The following SI variants were observed in gnomAD, a reference collection of about 807,000 sequenced individuals.
SI encodes the protein sucrase-isomaltase, intestinal.
A neutral mutation model predicts 253.3 loss-of-function variants in SI; 235 were observed. The observed-to-expected ratio is 0.93, with a 90% CI of 0.83 to 1.03. The LOEUF (loss-of-function observed/expected upper bound fraction) is 1.03, where lower values mean the gene tolerates loss of function less well. SI is among the 50% of genes least tolerant of loss of function. The pLI, the probability that SI is intolerant of heterozygous loss-of-function variation, is 0.00. For synonymous variants in SI, 819 were observed against 712.0 expected, an observed-to-expected ratio of 1.15 and a Z score of -2.39; for missense variants, 2,442 against 2,211.1, an observed-to-expected ratio of 1.10 and a Z score of -2.09.
intron 32 of SI, 115 bp downstream of exon 32, chr3:165,015,837 A>G: frequency 2.3e-6 from 2 of 885,704 alleles, no homozygotes; most frequent in South Asian, 2.7e-5. Context: ...TAGATTTGGG[A>G]GTGTTACTCA....
intron 34 of SI, among the ~76,000 whole-genome samples, chr3:165,011,125 A>G (rs1037696399): frequency 3.3e-5 from 5 of 151,462 alleles, no homozygotes; most frequent in African/African-American, 1.2e-4. Flanking sequence ...TTTAATTTTT[A>G]CTCCTCTAAT....
chr3:165,080,139 A>G (rs542713654), upstream of SI, among the ~76,000 whole-genome samples: 85 of 152,132 alleles, frequency 5.6e-4, no homozygotes, highest in Admixed American at 7.9e-4. Context: ...AAAGTTATAA[A>G]CTACTGATTT....
intron 6 of SI, among the ~76,000 whole-genome samples, chr3:165,066,056 T>C (rs974012269): frequency 2.0e-5 from 3 of 151,852 alleles, no homozygotes; most frequent in African/African-American, 2.4e-5. Flanking sequence ...ATGGAAACTA[T>C]TTAAGGGGAA....
intron 34 of SI, 142 bp from the exon 35 acceptor site, chr3:165,009,537 G>T: frequency 1.5e-6 from 1 of 648,114 alleles, no homozygotes; most frequent in Non-Finnish European, 2.8e-6. Context: ...TTACATAAAT[G>T]TGTGTGGTTT....
intron 25 of SI, among the ~76,000 whole-genome samples, chr3:165,027,267 A>G (rs921283466): frequency 2.6e-5 from 4 of 151,366 alleles, no homozygotes; most frequent in African/African-American, 9.7e-5. Context: ...GAAGAATTAG[A>G]TAACCTCAGC....
Position 165,033,330 on chromosome 3 carries a change from A to T in SI, c.2565+65T>A, listed in dbSNP as rs1004474738. On this transcript the variant is annotated intron_variant, in intron 23 of 47. Coordinates refer to ENST00000264382, the MANE Select transcript of SI (RefSeq NM_001041.4). ...AAACATCTTTTCCAAAAAATTTATC[A>T]TAAAAGAATAACCTAGGCATGAACA... The T allele has an allele frequency of 1.9e-5, 27 of 1,403,648 alleles. No individual in the cohort carries two copies. In the Admixed American group the frequency reaches 5.7e-4, roughly 30 times the overall value. 86.9% of individuals were successfully genotyped at this position (1,403,648 alleles called of 1,614,324 possible).
chr3:165,065,285 A>G lies in SI; in HGVS notation c.783T>C (p.Phe261=). ...HDLSWKTWPI[F]TRDQLPGDNN... is the part of the protein sequence containing the mutation. ...CATCACCAGGAAGTTGGTCTCGAGT[A>G]AAAATTGGCCATGTTTTCCAGGATA... Residue 261 remains phenylalanine, a synonymous_variant, in exon 7 of 48, where the codon TTT becomes TTC. Coordinates refer to ENST00000264382, the MANE Select transcript of SI (RefSeq NM_001041.4). The G allele has an allele frequency of 6.2e-7, 1 of 1,606,892 alleles. No homozygotes were observed. The highest frequency in any genetic ancestry group is 8.5e-7 in the Non-Finnish European group (1 of 1,175,202).
In SI at chr3:165,063,469, C is replaced by T; in HGVS notation, c.880G>A (p.Val294Ile). Reference sequence around the variant, plus strand: ...ATTGCATTGCTATTCATTAAAAAAACACCGAATGACTTTCCAGATGTATCT... The same window carrying T: ...ATTGCATTGCTATTCATTAAAAAAATACCGAATGACTTTCCAGATGTATCT... The part of the protein sequence containing the change: ...IEDTSGKSFG[V>I]FLMNSNAMEI... The change falls in exon 8 of 48, where the codon GTT becomes ATT. Residue 294 changes from valine (V) to isoleucine (I), a missense_variant. By Grantham distance (29) the Val-to-Ile change is conservative (BLOSUM62 3). Transcript: ENST00000264382. 1.3e-6 allele frequency: 2 copies of T among 1,539,776 alleles called. No homozygotes were observed. Among genetic ancestry groups the T allele is most frequent in the East Asian group, 4.6e-5 (2 of 43,876 alleles).
chr3:165,025,190 G>A (rs1339547382), intron 25 of SI, among the ~76,000 whole-genome samples: 2 of 150,958 alleles, frequency 1.3e-5, no homozygotes, highest in Non-Finnish European at 3.0e-5. Flanking sequence ...GCTACCACAT[G>A]GCCTTAAACA....
chr3:165,074,501 T>TAA (rs1233918114), intron 3 of SI, 30 bp downstream of exon 3: 1 of 1,457,546 alleles, frequency 6.9e-7, no homozygotes, highest in Non-Finnish European at 9.4e-7. Context: ...TATATATTCA[T>TAA]TAAAAATATT....
At chr3:165,079,031 T>C (rs1006058004), upstream of SI, among the ~76,000 whole-genome samples, 2 of 151,680 alleles carry the variant, frequency 1.3e-5, no homozygotes, top group African/African-American at 4.8e-5. Flanking sequence ...ATCAGTAATT[T>C]AGAGATAAAA....
In SI at chr3:165,013,003, G is replaced by C; in HGVS notation, c.4039C>G (p.Leu1347Val). The change falls in exon 34 of 48, where the codon CTA (leucine) becomes GTA (valine). Residue 1347 changes from leucine (L) to valine (V), a missense_variant. Leu to Val is a conservative substitution (Grantham distance 32). Coordinates refer to ENST00000264382, the MANE Select transcript of SI (RefSeq NM_001041.4). Reference protein sequence around the residue: ...DLPNITIDKTLTEDEAVNASR... With the variant: ...DLPNITIDKTVTEDEAVNASR... Reference sequence around the variant, plus strand: ...ACATTAACAGCTTCATCTTCCGTTAGAGTTTTATCTATTGTTATGTTGGGC... The same window carrying C: ...ACATTAACAGCTTCATCTTCCGTTACAGTTTTATCTATTGTTATGTTGGGC... 6.2e-7 allele frequency: 1 copy of C among 1,609,834 alleles called. No individual in the cohort carries two copies. Among genetic ancestry groups the C allele is most frequent in the Non-Finnish European group, 8.5e-7 (1 of 1,176,350 alleles).
chr3:164,996,613 T>C lies in SI; in HGVS notation c.4614A>G (p.Glu1538=). 1 of 1,609,776 alleles carries C rather than the reference T, an allele frequency of 6.2e-7. No individual in the cohort carries two copies. The highest frequency in any genetic ancestry group is 8.5e-7 in the Non-Finnish European group (1 of 1,176,732). The part of the protein sequence containing the change: ...ADICGFFNNS[E]YHLCTRWMQL... ...GCATCCAGCGGGTACAGAGATGATA[T>C]TCTGAGTTGTTGAAAAAACCACAGA... The change falls in exon 40 of 48, where the codon GAA becomes GAG. Residue 1538 remains glutamate, a synonymous_variant. Transcript: ENST00000264382.
At chr3:165,089,082 T>A in the SI span, among the ~76,000 whole-genome samples, 1 of 71,668 alleles carries the variant, frequency 1.4e-5, no homozygotes, top group Non-Finnish European at 3.1e-5. Flanking sequence ...TCTTTTTTCT[T>A]TTTTCTTTTT....
At chr3:165,023,167 T>A (rs542681074) in intron 26 of SI, among the ~76,000 whole-genome samples, 1 of 151,548 alleles carries the variant, frequency 6.6e-6, no homozygotes, top group Non-Finnish European at 1.5e-5. Flanking sequence ...AAAAATGCTA[T>A]CTCTAAAAGT....
At chr3:164,983,098 G>T (rs372704754) in intron 45 of SI, 47 bp from the exon 46 acceptor site, 44 of 1,505,758 alleles carry the variant, frequency 2.9e-5, no homozygotes, top group Non-Finnish European at 3.5e-5. Context: ...TTCCAAAGAA[G>T]AACCATAGTA....
chr3:165,033,336 G>A (rs541040355), intron 23 of SI, 59 bp downstream of exon 23: 41 of 1,424,624 alleles, frequency 2.9e-5, no homozygotes, highest in Non-Finnish European at 3.5e-5. Context: ...TATCATAAAA[G>A]AATAACCTAG....
At chr3:165,061,718 A>C (rs376056759) in intron 9 of SI, among the ~76,000 whole-genome samples, 1 of 152,038 alleles carries the variant, frequency 6.6e-6, no homozygotes, top group South Asian at 2.1e-4. Flanking sequence ...AAAGAGAGAA[A>C]TTACATGAAA....
In SI at chr3:165,041,070, G is replaced by GC. The variant is rs751534972; in HGVS notation, c.2028dup (p.Gln677AlafsTer7). The stretch of plus-strand genomic sequence containing the variant: ...GATGATTTAACCAAAAGTGAATTCT[G>GC]CCCAAAAAATGCAGGATCCTGATGC... On this transcript the variant is annotated frameshift_variant, in exon 18 of 48. Coordinates refer to ENST00000264382, the MANE Select transcript of SI (RefSeq NM_001041.4). LOFTEE classifies it high-confidence loss of function. 108 of 1,612,470 alleles carry GC rather than the reference G, an allele frequency of 6.7e-5. No individual in the cohort carries two copies. The highest frequency in any genetic ancestry group is 8.7e-5 in the Non-Finnish European group (102 of 1,179,148).
Sources: allele counts gnomAD v4.1 joint callset (sites outside exome capture counted in the v4.1 genomes callset), GRCh38; gene constraint gnomAD v4.1.1; transcripts MANE v1.5; gene names NCBI Gene and HGNC (gene_info 2026-07-23, HGNC 2026-07-21).